Variants in ROR2 observed in about 807,000 individuals in gnomAD.
The protein encoded by ROR2 is tyrosine-protein kinase transmembrane receptor ROR2.
In ROR2, 33 loss-of-function variants were observed where a neutral mutation model predicts 74.9. That is an observed-to-expected ratio of 0.44 (90% confidence interval 0.33 to 0.59). ROR2 has a LOEUF of 0.59. ROR2 is among the 20% of genes least tolerant of loss of function. ROR2 has a pLI of 0.02. For missense variants in ROR2, 1,216 were observed against 1,313.8 expected (o/e 0.93, Z 1.15); for synonymous variants, 586 against 558.7 (o/e 1.05, Z -0.69).
chr9:91,937,370 G>A (rs749980274), intron 1 of ROR2, among the ~76,000 whole-genome samples: 2 of 152,078 alleles, frequency 1.3e-5, no homozygotes, highest in African/African-American at 4.8e-5. Flanking sequence ...CAAACCCAGA[G>A]GATGAGGCGA....
intron 4 of ROR2, among the ~76,000 whole-genome samples, chr9:91,755,636 G>A (rs547177820): frequency 4.1e-4 from 62 of 152,248 alleles, no homozygotes; most frequent in Non-Finnish European, 7.5e-4. Context: ...GCAAGGTGGG[G>A]TTGAGACTCC....
intron 1 of ROR2, among the ~76,000 whole-genome samples, chr9:91,895,839 G>A (rs1297107142): frequency 2.0e-5 from 3 of 152,154 alleles, no homozygotes; most frequent in Non-Finnish European, 2.9e-5. Context: ...GCGAGACTCT[G>A]TCTCAAAAAA....
At position 91,842,364 on chromosome 9, in the gene ROR2, C is replaced by T. The variant is rs151137666; in HGVS notation, c.98-66546G>A. 5.9e-3 allele frequency among the ~76,000 whole-genome samples: 897 copies of T among 152,328 alleles called. 4 individuals are homozygous for T. The highest frequency in any genetic ancestry group is 0.027 in the Middle Eastern group (8 of 294). On this transcript the variant is annotated intron_variant, in intron 1 of 8. Coordinates refer to ENST00000375708, the MANE Select transcript of ROR2 (RefSeq NM_004560.4). ...ATGCCAGGTGCCATGCATGTGTTAT[C>T]TCCTTTAATCCTCACAATGACCCCA...
At position 91,723,811 on chromosome 9, in the gene ROR2, C is replaced by T. The variant is rs1836885636; in HGVS notation, c.2683G>A (p.Asp895Asn). The change falls in exon 9 of 9, where the codon GAT becomes AAT. Residue 895 changes from aspartate (D) to asparagine (N), a missense_variant. By Grantham distance (23) the Asp-to-Asn change is conservative. Coordinates refer to ENST00000375708, the MANE Select transcript of ROR2 (RefSeq NM_004560.4). ...TCTTCTGGGGCGTTCTGTGTGTCAT[C>T]AGCGCCCTCTGAGAGCAGGGCTGCC... Reference protein sequence around the residue: ...DRAALLSEGADDTQNAPEDGA... With the variant: ...DRAALLSEGANDTQNAPEDGA... The T allele has an allele frequency of 6.2e-7, 1 of 1,613,956 alleles. No individual in the cohort carries two copies. The highest frequency in any genetic ancestry group is 8.5e-7 in the Non-Finnish European group (1 of 1,180,040).
chr9:91,925,014 T>A (rs541816887), intron 1 of ROR2, among the ~76,000 whole-genome samples: 29 of 151,952 alleles, frequency 1.9e-4, no homozygotes, highest in East Asian at 3.9e-4. Flanking sequence ...CTGGCTATTT[T>A]TTATTATTAT....
At chr9:91,851,973 T>C (rs367978866) in intron 1 of ROR2, among the ~76,000 whole-genome samples, 31 of 138,936 alleles carry the variant, frequency 2.2e-4, no homozygotes, top group Non-Finnish European at 3.9e-4. Flanking sequence ...AAGACTCTGT[T>C]AAAAAAAAAA....
intron 1 of ROR2, among the ~76,000 whole-genome samples, chr9:91,916,576 T>G (rs1180105431): frequency 1.3e-5 from 2 of 152,154 alleles, no homozygotes; most frequent in African/African-American, 4.8e-5. Context: ...TGGAAAGAAT[T>G]CCAAATATTA....
rs1382103679 is a variant in ROR2, at chr9:91,733,989, G to A, written c.623-553C>T. Among the ~76,000 whole-genome samples the A allele has an allele frequency of 1.3e-5, 2 of 152,204 alleles. No homozygotes were observed. Among genetic ancestry groups the A allele is most frequent in the African/African-American group, 4.8e-5 (2 of 41,450 alleles). ...CCAAGAGGGTGAGAGCAGCAAAGTG[G>A]GAGGAGAGCCGCGTTACAACTCTGG... On this transcript the variant is annotated intron_variant, in intron 5 of 8. Coordinates refer to ENST00000375708, the MANE Select transcript of ROR2 (RefSeq NM_004560.4). The surrounding 1 kb of genome is among the most constrained non-coding windows in gnomAD (Gnocchi z 5.7).
At chr9:91,867,917 T>C (rs564441564) in intron 1 of ROR2, among the ~76,000 whole-genome samples, 1 of 152,198 alleles carries the variant, frequency 6.6e-6, no homozygotes, top group South Asian at 2.1e-4. Flanking sequence ...AGTATCAACA[T>C]TCCCCACAAC....
rs1187956181 is a variant in ROR2, at chr9:91,733,710, G to C, written c.623-274C>G. 6.6e-6 allele frequency among the ~76,000 whole-genome samples: 1 copy of C among 151,940 alleles called. No individual in the cohort carries two copies. Among genetic ancestry groups the C allele is most frequent in the African/African-American group, 2.4e-5 (1 of 41,190 alleles). On this transcript the variant is annotated intron_variant, in intron 5 of 8. Transcript: ENST00000375708. The surrounding 1 kb of genome is among the most constrained non-coding windows in gnomAD (Gnocchi z 5.7). Reference sequence around the variant, plus strand: ...CTTAGAAACATCAGAAGCAGAACAAGAAAGAAGGAAAACTCGGCCCCCTAG... The same window carrying C: ...CTTAGAAACATCAGAAGCAGAACAACAAAGAAGGAAAACTCGGCCCCCTAG...
At chr9:91,947,669 A>G (rs1384041086) in intron 1 of ROR2, among the ~76,000 whole-genome samples, 1 of 152,170 alleles carries the variant, frequency 6.6e-6, no homozygotes, top group East Asian at 1.9e-4. Context: ...CCTACCTAGG[A>G]TTGGTATATA....
intron 1 of ROR2, among the ~76,000 whole-genome samples, chr9:91,819,066 C>A (rs530969219): frequency 3.5e-4 from 53 of 152,338 alleles, no homozygotes; most frequent in Non-Finnish European, 7.2e-4. Flanking sequence ...CTCTTCCCAG[C>A]CAGAAGCCTG....
At chr9:91,807,109 G>A (rs539007871) in intron 1 of ROR2, among the ~76,000 whole-genome samples, 51 of 152,238 alleles carry the variant, frequency 3.4e-4, no homozygotes, top group Non-Finnish European at 5.9e-4. Flanking sequence ...AGAGAAGGAA[G>A]GCTACATAGA....
At chr9:91,903,340 A>G (rs1174573833) in intron 1 of ROR2, among the ~76,000 whole-genome samples, 12 of 152,010 alleles carry the variant, frequency 7.9e-5, no homozygotes, top group Admixed American at 7.9e-4. Context: ...CCTGCCCAAG[A>G]AAGTCTGGGA....
chr9:91,784,976 A>G (rs368767873), intron 1 of ROR2, among the ~76,000 whole-genome samples: 7 of 152,134 alleles, frequency 4.6e-5, no homozygotes, highest in African/African-American at 1.7e-4. Context: ...TAGGTGGATG[A>G]ATGAATGAAT....
intron 1 of ROR2, among the ~76,000 whole-genome samples, chr9:91,924,815 G>T (rs943689334): frequency 6.6e-6 from 1 of 152,036 alleles, no homozygotes; most frequent in Admixed American, 6.6e-5. Flanking sequence ...AACAGACGCG[G>T]GGCAGGCCCA....
intron 1 of ROR2, among the ~76,000 whole-genome samples, chr9:91,779,224 A>C (rs1826528078): frequency 1.3e-5 from 2 of 151,960 alleles, no homozygotes; most frequent in African/African-American, 4.8e-5. Flanking sequence ...TACTGTCATC[A>C]CAACTTTTCT....
intron 4 of ROR2, among the ~76,000 whole-genome samples, chr9:91,742,077 G>A (rs1036955160): frequency 2.0e-5 from 3 of 152,152 alleles, no homozygotes; most frequent in African/African-American, 7.2e-5. Flanking sequence ...AGTTTAATTG[G>A]ACTTACAGTT....
chr9:91,734,466 C>T (rs1391110468), intron 5 of ROR2, among the ~76,000 whole-genome samples: 1 of 152,014 alleles, frequency 6.6e-6, no homozygotes, highest in Non-Finnish European at 1.5e-5. Flanking sequence ...ACAGATTTGG[C>T]GATTATTTGG....
Sources: gnomAD v4.1 joint callset for allele counts (sites outside exome capture counted in the v4.1 genomes callset) on GRCh38, gnomAD v4.1.1 for gene constraint, Gnocchi (gnomAD v3.1) non-coding constraint, MANE v1.5 for transcripts, NCBI Gene and HGNC (gene_info 2026-07-23, HGNC 2026-07-21) for gene names.